The following FANCA variants were observed in gnomAD, a reference collection of about 807,000 sequenced individuals.
The protein encoded by FANCA is FA complementation group A.
Under a neutral mutation model 194.3 loss-of-function variants are expected in FANCA, and 236 were observed. The observed-to-expected ratio is 1.21, with a 90% CI of 1.09 to 1.35. The LOEUF is 1.35. Ranked by LOEUF, FANCA falls within the 40% of genes most tolerant of loss-of-function variation. The probability of loss-of-function intolerance (pLI) is 0.00; values close to 1 mark genes in which losing one functional copy is unlikely to be tolerated. For missense variants in FANCA, 2,628 were observed against 1,813.9 expected (o/e 1.45, Z -8.15); for synonymous variants, 1,014 against 715.8 (o/e 1.42, Z -6.65).
At chr16:89,772,364 G>A (rs561704371) in intron 22 of FANCA, among the ~76,000 whole-genome samples, 3 of 152,370 alleles carry the variant, frequency 2.0e-5, no homozygotes, top group African/African-American at 4.8e-5. Flanking sequence ...GGCGCACTTG[G>A]TCTGAGTGAA....
At chr16:89,764,052 G>C (rs1034526689) in intron 28 of FANCA, among the ~76,000 whole-genome samples, 1 of 151,270 alleles carries the variant, frequency 6.6e-6, no homozygotes, top group African/African-American at 2.4e-5. Context: ...GACCAGCCTG[G>C]ACAACATGGT....
At chr16:89,775,614 C>G (rs1486303225) in intron 21 of FANCA, 128 bp downstream of exon 21, 1 of 751,082 alleles carries the variant, frequency 1.3e-6, no homozygotes, top group African/African-American at 1.7e-5. Flanking sequence ...ACCCTGTACC[C>G]AAAGCACCGG....
intron 28 of FANCA, among the ~76,000 whole-genome samples, chr16:89,763,591 G>C (rs1219279238): frequency 6.6e-6 from 1 of 152,112 alleles, no homozygotes; most frequent in Non-Finnish European, 1.5e-5. Flanking sequence ...GCACACATGG[G>C]TGAGCCCAGA....
At chr16:89,770,137 A>C in intron 25 of FANCA, 29 bp downstream of exon 25, 1 of 1,571,668 alleles carries the variant, frequency 6.4e-7, no homozygotes, top group Non-Finnish European at 8.6e-7. Context: ...TGGGCCCCCA[A>C]GGGTGGCCCC....
intron 18 of FANCA, among the ~76,000 whole-genome samples, chr16:89,779,279 A>G (rs2039621523): frequency 2.0e-5 from 3 of 152,128 alleles, no homozygotes; most frequent in Admixed American, 2.0e-4. Context: ...GGACCATGTA[A>G]GGTCCATTTG....
At chr16:89,775,463 C>A (rs900682134) in intron 21 of FANCA, among the ~76,000 whole-genome samples, 1 of 152,224 alleles carries the variant, frequency 6.6e-6, no homozygotes, top group South Asian at 2.1e-4. Flanking sequence ...CACCTCAGTG[C>A]GGCCCACAGG....
chr16:89,743,404 G>A (rs2062179503), intron 36 of FANCA, among the ~76,000 whole-genome samples: 1 of 152,212 alleles, frequency 6.6e-6, no homozygotes, highest in Non-Finnish European at 1.5e-5. Flanking sequence ...CAATGCTGTG[G>A]TTTAAGAGAC....
chr16:89,743,486 G>C (rs1390371570), intron 36 of FANCA, among the ~76,000 whole-genome samples: 1 of 152,210 alleles, frequency 6.6e-6, no homozygotes, highest in Non-Finnish European at 1.5e-5. Flanking sequence ...AAGCCCAGCA[G>C]TTTGAGATCT....
At chr16:89,788,900 G>T (rs2039979830) in intron 14 of FANCA, among the ~76,000 whole-genome samples, 1 of 152,108 alleles carries the variant, frequency 6.6e-6, no homozygotes, top group Admixed American at 6.6e-5. Flanking sequence ...AAGTTGATTT[G>T]AAAAGGTAAA....
rs1007932 is a variant in FANCA, at chr16:89,772,133, C to T, written c.2015-319G>A. Among the ~76,000 whole-genome samples, 15,995 of 152,242 alleles carry T rather than the reference C, an allele frequency of 0.11. 963 individuals are homozygous for T. The highest frequency in any genetic ancestry group is 0.22 in the East Asian group (1,147 of 5,182). ...GCCAGCCCTCCAGACACCACATCTG[C>T]CTAAGCGCATGCCAGAGGTTCCATG... On this transcript the variant is annotated intron_variant, in intron 22 of 42. Coordinates refer to ENST00000389301, the MANE Select transcript of FANCA (RefSeq NM_000135.4).
chr16:89,765,348 T>G (rs915622281), intron 27 of FANCA, among the ~76,000 whole-genome samples: 4 of 150,766 alleles, frequency 2.7e-5, no homozygotes, highest in Non-Finnish European at 5.9e-5. Context: ...GGGACCTCAG[T>G]CCAGCCCCTG....
Position 89,745,087 on chromosome 16 carries a change from C to T in FANCA, c.3514-16G>A, listed in dbSNP as rs756712258. ...GCCACCACACCTATGGAGAGAGCAC[C>T]AGCACACAGATGAGGGTGGCTGAGA... is the stretch of plus-strand genomic sequence containing the variant. On this transcript the variant is annotated splice_polypyrimidine_tract_variant and intron_variant, in intron 35 of 42. Transcript: ENST00000389301. 2.5e-6 allele frequency: 4 copies of T among 1,584,084 alleles called. No individual in the cohort carries two copies. The highest frequency in any genetic ancestry group is 1.1e-5 in the South Asian group (1 of 87,822).
intron 6 of FANCA, among the ~76,000 whole-genome samples, chr16:89,807,741 G>C (rs938075814): frequency 6.6e-6 from 1 of 152,126 alleles, no homozygotes; most frequent in African/African-American, 2.4e-5. Flanking sequence ...AAATTAGCCA[G>C]GCGTGGTGGC....
intron 21 of FANCA, among the ~76,000 whole-genome samples, chr16:89,775,216 T>C (rs2039459966): frequency 6.6e-6 from 1 of 152,118 alleles, no homozygotes; most frequent in African/African-American, 2.4e-5. Flanking sequence ...ACCAGCCTCA[T>C]GATGGCATCT....
At position 89,773,135 on chromosome 16, in the gene FANCA, G is replaced by T; in HGVS notation, c.2014+136C>A. On this transcript the variant is annotated intron_variant, in intron 22 of 42. Transcript: ENST00000389301. ...AAAAGGTTCCACACCCGCCAGCCCGGGGTCAATCTTTAAACTACTGGACTA... is the reference window on the plus strand; with the variant it reads ...AAAAGGTTCCACACCCGCCAGCCCGTGGTCAATCTTTAAACTACTGGACTA... The T allele has an allele frequency of 4.1e-6, 3 of 739,704 alleles. 1 individual carries two copies. The highest frequency in any genetic ancestry group is 7.0e-6 in the Non-Finnish European group (3 of 426,416). 45.8% of individuals were successfully genotyped at this position (739,704 alleles called of 1,614,324 possible). A position where few individuals can be genotyped will look rare whatever the true frequency, so the allele number is the denominator to read the frequency against.
chr16:89,810,838 T>C (rs1191265323), intron 4 of FANCA, 36 bp from the exon 5 acceptor site: 1 of 1,612,360 alleles, frequency 6.2e-7, no homozygotes, highest in East Asian at 2.2e-5. Context: ...AAAAACAAAT[T>C]ACCTGAAACA....
At position 89,773,531 on chromosome 16, in the gene FANCA, G is replaced by C. The variant is rs115497452; in HGVS notation, c.1901-147C>G. ...CGGAGGGACTGGGAGTCTCTGAGGA[G>C]GTAAATGAGGTGTCTTCCCTGATGC... is the stretch of plus-strand genomic sequence containing the variant. On this transcript the variant is annotated intron_variant, in intron 21 of 42. Transcript: ENST00000389301. 481 of 653,870 alleles carry C rather than the reference G, an allele frequency of 7.4e-4. 5 individuals carry two copies. The African/African-American group carries it at 7.5e-3, about 10-fold the overall frequency. The allele number at this position is 653,870 out of a possible 1,614,324, so 40.5% of individuals were successfully genotyped here.
chr16:89,773,036 A>G (rs2039377205), intron 22 of FANCA, among the ~76,000 whole-genome samples: 1 of 152,104 alleles, frequency 6.6e-6, no homozygotes, highest in African/African-American at 2.4e-5. Flanking sequence ...ACTCAGATGC[A>G]ACTAGCCGAA....
intron 9 of FANCA, 127 bp from the exon 10 acceptor site, chr16:89,799,359 C>T (rs2040361266): frequency 3.6e-6 from 4 of 1,103,896 alleles, no homozygotes; most frequent in Non-Finnish European, 5.4e-6. Flanking sequence ...TCCATCAAGA[C>T]TTCTACAATC....
Sources: allele counts gnomAD v4.1 joint callset (sites outside exome capture counted in the v4.1 genomes callset), GRCh38; gene constraint gnomAD v4.1.1; transcripts MANE v1.5; gene names NCBI Gene and HGNC (gene_info 2026-07-23, HGNC 2026-07-21).